AGK: variants seen among roughly 807,000 people sequenced by gnomAD.
AGK encodes the protein acylglycerol kinase.
In AGK, 52 loss-of-function variants were observed where a neutral mutation model predicts 66.4. The ratio of observed to expected loss-of-function variants is 0.78; its 90% CI spans 0.63 to 0.99. AGK has a LOEUF of 0.99. Among genes scored for constraint, AGK ranks in the 50% least tolerant of loss-of-function variants. The pLI, the probability that AGK is intolerant of heterozygous loss-of-function variation, is 0.00. For synonymous variants in AGK, 182 were observed against 181.1 expected (o/e 1.00, Z -0.04); for missense variants, 451 against 506.6 (o/e 0.89, Z 1.05).
At chr7:141,593,591 A>T in intron 3 of AGK, 1 of 552,066 alleles carries the variant, frequency 1.8e-6, no homozygotes, top group Non-Finnish European at 3.2e-6. Context: ...AAAATTGTTG[A>T]TTCATATTTT....
chr7:141,591,712 C>T (rs2116919262), intron 2 of AGK, among the ~76,000 whole-genome samples: 1 of 152,234 alleles, frequency 6.6e-6, no homozygotes, highest in African/African-American at 2.4e-5. Flanking sequence ...TCAAGTTTTT[C>T]TATAAATTGG....
intron 2 of AGK, among the ~76,000 whole-genome samples, chr7:141,571,224 C>A (rs968896689): frequency 6.6e-6 from 1 of 152,184 alleles, no homozygotes; most frequent in Non-Finnish European, 1.5e-5. Flanking sequence ...TGTGTTCTAG[C>A]CCCAGCCATG....
rs1797615038 is a variant in AGK, at chr7:141,653,570, C to CAAACCTAATAACCCAAATTTGG, written c.*647_*668dup. ...TTGAAAACTTATTTGGGGTCTACCC[C>CAAACCTAATAACCCAAATTTGG]AAACCTAATAACCCAAATTTGGGGA... On this transcript the variant is annotated 3_prime_UTR_variant, in exon 16 of 16. Coordinates refer to ENST00000649286, the MANE Select transcript of AGK (RefSeq NM_018238.4). 6.6e-6 allele frequency: 1 copy of CAAACCTAATAACCCAAATTTGG among 152,162 alleles called. No individual in the cohort carries two copies. Among genetic ancestry groups the CAAACCTAATAACCCAAATTTGG allele is most frequent in the East Asian group, 1.9e-4 (1 of 5,186 alleles). 9.4% of individuals were successfully genotyped at this position (152,162 alleles called of 1,614,324 possible). A position where few individuals can be genotyped will look rare whatever the true frequency, so the allele number is the denominator to read the frequency against.
At chr7:141,618,380 A>G (rs1185004335) in intron 8 of AGK, among the ~76,000 whole-genome samples, 1 of 152,166 alleles carries the variant, frequency 6.6e-6, no homozygotes, top group Non-Finnish European at 1.5e-5. Flanking sequence ...AATTTCTCTT[A>G]CATGTGTTTA....
At position 141,653,003 on chromosome 7, in the gene AGK, CA is replaced by C; in HGVS notation, c.*81del. ...AAGGGAACAGGTGCCTCAGCCATCC[CA>C]ACAGTGTCGTCAGAGGGTCCCCAGG... On this transcript the variant is annotated 3_prime_UTR_variant, in exon 16 of 16. Transcript: ENST00000649286. 1 of 1,566,914 alleles carries C rather than the reference CA, an allele frequency of 6.4e-7. No homozygotes were observed. Among genetic ancestry groups the C allele is most frequent in the Non-Finnish European group, 8.7e-7 (1 of 1,150,446 alleles).
chr7:141,639,866 C>T (rs1037305904), intron 11 of AGK, among the ~76,000 whole-genome samples: 5 of 152,090 alleles, frequency 3.3e-5, no homozygotes, highest in Non-Finnish European at 7.4e-5. Context: ...AGTACAGGAA[C>T]TTAATGACAA....
chr7:141,653,891 TACATC>T lies in AGK; in HGVS notation c.*970_*974del, dbSNP rs1797625597. Reference sequence around the variant, plus strand: ...ATTGGTATTTTAAAATAAAAACTGTTACATCACTATTTTAAACATATCCAGTACAA... The same window carrying T: ...ATTGGTATTTTAAAATAAAAACTGTTACTATTTTAAACATATCCAGTACAA... On this transcript the variant is annotated 3_prime_UTR_variant, in exon 16 of 16. Transcript: ENST00000649286. The T allele has an allele frequency of 6.6e-6, 1 of 152,214 alleles. No homozygotes were observed. Among genetic ancestry groups the T allele is most frequent in the African/African-American group, 2.4e-5 (1 of 41,452 alleles). The allele number at this position is 152,214 out of a possible 1,614,324, so 9.4% of individuals were successfully genotyped here.
chr7:141,641,525 C>A, intron 12 of AGK, 127 bp downstream of exon 12: 3 of 1,120,288 alleles, frequency 2.7e-6, no homozygotes, highest in Non-Finnish European at 3.8e-6. Flanking sequence ...TCACTGAATT[C>A]ATCCTTCTGT....
chr7:141,606,898 T>C (rs1796471990), intron 5 of AGK, among the ~76,000 whole-genome samples: 1 of 152,184 alleles, frequency 6.6e-6, no homozygotes, highest in South Asian at 2.1e-4. Flanking sequence ...AAATGTCATA[T>C]AGTTGGAATC....
chr7:141,615,769 T>C (rs1320996923), intron 8 of AGK: 4 of 565,692 alleles, frequency 7.1e-6, no homozygotes, highest in Non-Finnish European at 1.3e-5. Flanking sequence ...AGTCTCCAGG[T>C]CAGGTAGGGA....
Position 141,628,160 on chromosome 7 carries a change from G to A in AGK, c.589-5741G>A, listed in dbSNP as rs1223620241. ...CTCTCAAAGTGCTGGGATTACAGGC[G>A]TGAGCCACCGCACCTGGCCTGTGCT... On this transcript the variant is annotated intron_variant, in intron 9 of 15. Transcript: ENST00000649286. 2.6e-5 allele frequency among the ~76,000 whole-genome samples: 4 copies of A among 152,202 alleles called. No homozygotes were observed. The East Asian group carries it at 7.7e-4, about 29-fold the overall frequency.
intron 9 of AGK, among the ~76,000 whole-genome samples, chr7:141,622,970 T>C (rs1053568680): frequency 4.6e-5 from 7 of 150,998 alleles, no homozygotes; most frequent in African/African-American, 1.5e-4. Flanking sequence ...GAGAAAGGCA[T>C]GTTAAAAGTT....
At chr7:141,600,755 T>G (rs992852404) in intron 4 of AGK, among the ~76,000 whole-genome samples, 2 of 152,234 alleles carry the variant, frequency 1.3e-5, no homozygotes, top group Non-Finnish European at 2.9e-5. Context: ...AGGGCATGAC[T>G]GTGCCTGGGA....
chr7:141,583,993 GGATT>G (rs1289733433), intron 2 of AGK, among the ~76,000 whole-genome samples: 2 of 151,888 alleles, frequency 1.3e-5, no homozygotes, highest in Non-Finnish European at 2.9e-5. Flanking sequence ...CAGGAGGACG[GGATT>G]GATCTCCCAA....
At chr7:141,650,759 G>A (rs1797536102) in intron 14 of AGK, 3 of 850,302 alleles carry the variant, frequency 3.5e-6, no homozygotes, top group African/African-American at 1.8e-5. Context: ...GTCATCCCAC[G>A]GTATCCTTGG....
intron 15 of AGK, 129 bp from the exon 16 acceptor site, chr7:141,652,658 C>A (rs936193791): frequency 1.0e-6 from 1 of 982,756 alleles, no homozygotes; most frequent in Non-Finnish European, 1.5e-6. Flanking sequence ...TGTAAAAGAA[C>A]ATTAGGATAG....
chr7:141,552,240 A>C (rs1460064450), intron 1 of AGK, among the ~76,000 whole-genome samples: 3 of 152,264 alleles, frequency 2.0e-5, no homozygotes, highest in African/African-American at 7.2e-5. Flanking sequence ...ATTCTGCTAT[A>C]AAGTGGTCTT....
chr7:141,561,863 G>A (rs1163955425), intron 2 of AGK, among the ~76,000 whole-genome samples: 2 of 152,172 alleles, frequency 1.3e-5, no homozygotes, highest in East Asian at 1.9e-4. Context: ...ATATCTTGAT[G>A]TGGTGCTCTC....
At chr7:141,612,248 C>A (rs531638740) in intron 6 of AGK, among the ~76,000 whole-genome samples, 1 of 151,982 alleles carries the variant, frequency 6.6e-6, no homozygotes. Context: ...TGTGTGATTC[C>A]GACAATTTGA....
Sources: gnomAD v4.1 joint callset for allele counts (sites outside exome capture counted in the v4.1 genomes callset) on GRCh38, gnomAD v4.1.1 for gene constraint, MANE v1.5 for transcripts, NCBI Gene and HGNC (gene_info 2026-07-23, HGNC 2026-07-21) for gene names.